The following NAV3 variants were observed in gnomAD, a reference collection of about 807,000 sequenced individuals.
The protein encoded by NAV3 is neuron navigator 3.
NAV3 carries 87 observed loss-of-function variants against 244.7 expected under a neutral mutation model. The ratio of observed to expected loss-of-function variants is 0.36; its 90% CI spans 0.30 to 0.42. NAV3 has a LOEUF of 0.42. NAV3 is among the 20% of genes least tolerant of loss of function. NAV3 has a pLI of 1.00. For synonymous variants in NAV3, 1,126 were observed against 1,042.2 expected (o/e 1.08, Z -1.55); for missense variants, 2,663 against 2,893.3 (o/e 0.92, Z 1.83).
intron 12 of NAV3, among the ~76,000 whole-genome samples, chr12:78,070,496 C>T (rs920354982): frequency 7.3e-5 from 11 of 151,706 alleles, no homozygotes; most frequent in Non-Finnish European, 1.3e-4. Flanking sequence ...TGATCACAAG[C>T]TAGTGACTAG....
intron 9 of NAV3, among the ~76,000 whole-genome samples, chr12:78,043,327 A>G (rs1367154812): frequency 2.0e-5 from 3 of 152,282 alleles, no homozygotes; most frequent in Admixed American, 6.5e-5. Flanking sequence ...TATGCAGTCT[A>G]TCATTGATGG....
Position 77,657,593 on chromosome 12 carries a change from C to A in NAV3, c.72+85327C>A, listed in dbSNP as rs1052927048. ...ATCAATAGAAAAAGAGGGAATCCTC[C>A]CTAACTCATTTTATGAGGCCAGCAT... On this transcript the variant is annotated intron_variant, in intron 2 of 8. Coordinates refer to the NAV3 transcript ENST00000550042. 4.0e-4 allele frequency among the ~76,000 whole-genome samples: 61 copies of A among 152,280 alleles called. No homozygotes were observed. In the East Asian group the frequency reaches 5.6e-3, roughly 14 times the overall value.
chr12:78,036,096 A>G (rs1335591485), intron 9 of NAV3, among the ~76,000 whole-genome samples: 1 of 152,084 alleles, frequency 6.6e-6, no homozygotes, highest in Non-Finnish European at 1.5e-5. Context: ...TTAAATGTGC[A>G]TAAGGTTAAT....
At chr12:78,018,879 A>G (rs1035813047) in intron 8 of NAV3, among the ~76,000 whole-genome samples, 4 of 152,090 alleles carry the variant, frequency 2.6e-5, no homozygotes, top group Admixed American at 2.6e-4. Context: ...GAGGTCAGCG[A>G]GGGGTAGAGT....
chr12:77,648,937 G>T lies in NAV3; in HGVS notation c.72+76671G>T, dbSNP rs370780858. Among the ~76,000 whole-genome samples the T allele has an allele frequency of 4.6e-5, 7 of 152,198 alleles. No homozygotes were observed. In the East Asian group the frequency reaches 1.4e-3, roughly 29 times the overall value. ...CTGGCAAGTCATAGAGTGAGTCATTGGGAAATAGGACAGTATGAGGAAGGT... is the reference window on the plus strand; with the variant it reads ...CTGGCAAGTCATAGAGTGAGTCATTTGGAAATAGGACAGTATGAGGAAGGT... On this transcript the variant is annotated intron_variant, in intron 2 of 8. Transcript: ENST00000550042.
At chr12:77,699,910 C>G (rs1287151402) in intron 2 of NAV3, among the ~76,000 whole-genome samples, 1 of 151,378 alleles carries the variant, frequency 6.6e-6, no homozygotes, top group Non-Finnish European at 1.5e-5. Flanking sequence ...GTAGATGGAA[C>G]AAATGTTGAA....
intron 2 of NAV3, among the ~76,000 whole-genome samples, chr12:77,781,680 C>G (rs1870668622): frequency 6.6e-6 from 1 of 152,184 alleles, no homozygotes; most frequent in Non-Finnish European, 1.5e-5. Context: ...ATGTCCTTAA[C>G]CTTAGCAAAA....
At chr12:77,606,659 T>C (rs1443254262) in intron 2 of NAV3, among the ~76,000 whole-genome samples, 1 of 152,128 alleles carries the variant, frequency 6.6e-6, no homozygotes, top group Non-Finnish European at 1.5e-5. Flanking sequence ...ATGAGAAATG[T>C]CTTCAACAAT....
intron 2 of NAV3, among the ~76,000 whole-genome samples, chr12:77,661,263 T>C (rs2137037762): frequency 6.6e-6 from 1 of 152,286 alleles, no homozygotes; most frequent in East Asian, 1.9e-4. Flanking sequence ...AGTCTCTTTA[T>C]TTTAGTCATT....
rs369390978 is a variant in NAV3 at position 78,176,477 on chromosome 12, A to G, written c.5124+18A>G. 332 of 1,612,170 alleles carry G rather than the reference A, an allele frequency of 2.1e-4. No individual in the cohort carries two copies. Among genetic ancestry groups the G allele is most frequent in the Non-Finnish European group, 2.6e-4 (310 of 1,178,996 alleles). On this transcript the variant is annotated intron_variant, in intron 26 of 39. Coordinates refer to ENST00000397909, the MANE Select transcript of NAV3 (RefSeq NM_001024383.2). ...GAAGTGAGGTGAATATAAACCGTGG[A>G]CAATTTGGCATGCATCTATAAAAAA...
intron 1 of NAV3, among the ~76,000 whole-genome samples, chr12:77,832,664 A>G (rs993709275): frequency 6.6e-6 from 1 of 152,202 alleles, no homozygotes; most frequent in Non-Finnish European, 1.5e-5. Context: ...ATTTAAAAAT[A>G]TAGAATAAGT....
chr12:78,041,133 A>G (rs1880789770), intron 9 of NAV3, among the ~76,000 whole-genome samples: 1 of 152,210 alleles, frequency 6.6e-6, no homozygotes, highest in African/African-American at 2.4e-5. Flanking sequence ...TAAAAGAATA[A>G]TGTTAATCTA....
At chr12:77,854,238 G>A (rs899969120) in intron 1 of NAV3, among the ~76,000 whole-genome samples, 3 of 152,090 alleles carry the variant, frequency 2.0e-5, no homozygotes, top group Non-Finnish European at 2.9e-5. Context: ...CAGCAATATG[G>A]CTCCATTAGT....
intron 4 of NAV3, among the ~76,000 whole-genome samples, chr12:77,967,955 T>C (rs1335383044): frequency 1.3e-5 from 2 of 152,206 alleles, no homozygotes; most frequent in Admixed American, 6.5e-5. Flanking sequence ...TATATGGATA[T>C]ATATTTGGAG....
At chr12:77,914,664 A>AGTTTTGTCTAGTCTATTG (rs1220360238) in intron 1 of NAV3, among the ~76,000 whole-genome samples, 1 of 151,952 alleles carries the variant, frequency 6.6e-6, no homozygotes, top group Non-Finnish European at 1.5e-5. Context: ...CAATACATGT[A>AGTTTTGTCTAGTCTATTG]GTTTTGTCTA....
At chr12:77,751,999 A>T (rs1273090194) in intron 2 of NAV3, among the ~76,000 whole-genome samples, 1 of 152,096 alleles carries the variant, frequency 6.6e-6, no homozygotes. Context: ...AAAATTGGTG[A>T]CTCATTTTTA....
intron 21 of NAV3, among the ~76,000 whole-genome samples, chr12:78,147,331 A>G (rs372279867): frequency 6.6e-6 from 1 of 152,100 alleles, no homozygotes; most frequent in Admixed American, 6.6e-5. Context: ...GAAATGCTAC[A>G]TCTATTTGCC....
intron 33 of NAV3, among the ~76,000 whole-genome samples, chr12:78,189,305 T>C (rs1420165454): frequency 6.6e-6 from 1 of 151,892 alleles, no homozygotes; most frequent in Non-Finnish European, 1.5e-5. Context: ...TCCTTGTTTA[T>C]TTATGTTAAA....
At chr12:77,674,978 G>A (rs960250400) in intron 2 of NAV3, among the ~76,000 whole-genome samples, 1 of 152,154 alleles carries the variant, frequency 6.6e-6, no homozygotes, top group Non-Finnish European at 1.5e-5. Context: ...ATTGACAGAT[G>A]GGTGGTCAAA....
Sources: allele counts gnomAD v4.1 joint callset (sites outside exome capture counted in the v4.1 genomes callset), GRCh38; gene constraint gnomAD v4.1.1; transcripts MANE v1.5; gene names NCBI Gene and HGNC (gene_info 2026-07-23, HGNC 2026-07-21).